The following MIPOL1 variants were observed in gnomAD, a reference collection of about 807,000 sequenced individuals.
MIPOL1 encodes the protein mirror-image polydactyly 1.
Under a neutral mutation model 60.9 loss-of-function variants are expected in MIPOL1, and 57 were observed. That is an observed-to-expected ratio of 0.94 (90% confidence interval 0.76 to 1.17). MIPOL1 has a LOEUF of 1.17. MIPOL1 is among the 50% of genes most tolerant of loss of function. The probability of loss-of-function intolerance (pLI) is 0.00; values close to 1 mark genes in which losing one functional copy is unlikely to be tolerated. For synonymous variants in MIPOL1, 179 were observed against 168.8 expected (o/e 1.06, Z -0.47); for missense variants, 551 against 511.6 (o/e 1.08, Z -0.74).
chr14:37,434,021 G>A (rs990645534), intron 11 of MIPOL1, among the ~76,000 whole-genome samples: 1 of 152,140 alleles, frequency 6.6e-6, no homozygotes, highest in African/African-American at 2.4e-5. Flanking sequence ...ATCATAAAAT[G>A]ATTTATAATC....
intron 9 of MIPOL1, among the ~76,000 whole-genome samples, chr14:37,346,048 G>A (rs2090922075): frequency 6.6e-6 from 1 of 152,132 alleles, no homozygotes. Context: ...ACCTGAATGT[G>A]GATGAGCACG....
intron 10 of MIPOL1, among the ~76,000 whole-genome samples, chr14:37,390,102 C>T (rs2093193891): frequency 6.6e-6 from 1 of 151,758 alleles, no homozygotes; most frequent in Non-Finnish European, 1.5e-5. Context: ...ACCTGTAATC[C>T]CAGCTACTCC....
At chr14:37,441,144 G>T (rs147316847) in intron 11 of MIPOL1, among the ~76,000 whole-genome samples, 9 of 152,010 alleles carry the variant, frequency 5.9e-5, no homozygotes, top group African/African-American at 1.4e-4. Flanking sequence ...TCTTGCCCTT[G>T]CCAGATGCAT....
At chr14:37,335,636 A>G (rs2090049718) in intron 9 of MIPOL1, among the ~76,000 whole-genome samples, 1 of 152,078 alleles carries the variant, frequency 6.6e-6, no homozygotes, top group African/African-American at 2.4e-5. Context: ...TGTATATACC[A>G]CATTTTGTTT....
intron 11 of MIPOL1, among the ~76,000 whole-genome samples, chr14:37,442,071 A>C (rs2103891): frequency 0.99 from 149,932 of 151,710 alleles, 74,108 homozygotes; most frequent in Middle Eastern, 1. Context: ...AAAAAGTTTC[A>C]TTCTCTTTCT....
chr14:37,304,267 T>C (rs192653312), intron 7 of MIPOL1, among the ~76,000 whole-genome samples: 3 of 151,918 alleles, frequency 2.0e-5, no homozygotes, highest in East Asian at 3.9e-4. Flanking sequence ...TCTGTTACAG[T>C]GTCTGCTTTG....
At chr14:37,546,855 A>G (rs1365700293) in intron 12 of MIPOL1, 50 bp from the exon 13 acceptor site, 1 of 1,447,864 alleles carries the variant, frequency 6.9e-7, no homozygotes, top group African/African-American at 1.4e-5. Context: ...ATTCTTAACA[A>G]TAATTGCCCT....
rs908283274 is a variant in MIPOL1, at chr14:37,445,834, G to A, written c.1031+22885G>A. Among the ~76,000 whole-genome samples, 533 of 151,994 alleles carry A rather than the reference G, an allele frequency of 3.5e-3. 2 individuals carry two copies. Among genetic ancestry groups the A allele is most frequent in the South Asian group, 0.011 (53 of 4,822 alleles). ...ACAAGCAATGGGGAAAGGATTCCCTGTTTAATAAATGGTGCTGGGAAAACT... is the reference window on the plus strand; with the variant it reads ...ACAAGCAATGGGGAAAGGATTCCCTATTTAATAAATGGTGCTGGGAAAACT... On this transcript the variant is annotated intron_variant, in intron 11 of 12. Transcript: ENST00000684589.
At chr14:37,388,212 A>G (rs1299492522) in intron 10 of MIPOL1, among the ~76,000 whole-genome samples, 1 of 151,892 alleles carries the variant, frequency 6.6e-6, no homozygotes, top group Non-Finnish European at 1.5e-5. Flanking sequence ...GGTTTTAACA[A>G]TTATTTGTTT....
intron 9 of MIPOL1, among the ~76,000 whole-genome samples, chr14:37,313,935 C>G (rs934034895): frequency 6.6e-6 from 1 of 152,140 alleles, no homozygotes; most frequent in African/African-American, 2.4e-5. Flanking sequence ...GGGTTTCCTT[C>G]TACTTTTCTG....
chr14:37,280,566 T>G (rs1306897485), intron 6 of MIPOL1, among the ~76,000 whole-genome samples: 1 of 152,220 alleles, frequency 6.6e-6, no homozygotes, highest in African/African-American at 2.4e-5. Context: ...CTTTGGTGAT[T>G]AGAGATGTTA....
At chr14:37,326,355 C>T (rs1206475749) in intron 9 of MIPOL1, among the ~76,000 whole-genome samples, 1 of 152,162 alleles carries the variant, frequency 6.6e-6, no homozygotes, top group African/African-American at 2.4e-5. Context: ...GAATCAGAAG[C>T]AATGCTCTGT....
chr14:37,297,501 G>C (rs939548136), intron 7 of MIPOL1, among the ~76,000 whole-genome samples: 9 of 152,080 alleles, frequency 5.9e-5, no homozygotes, highest in Non-Finnish European at 1.3e-4. Flanking sequence ...ATTAGGAAAA[G>C]AGGAAGTCAA....
chr14:37,310,320 T>C (rs1288956804), intron 9 of MIPOL1, among the ~76,000 whole-genome samples: 1 of 152,180 alleles, frequency 6.6e-6, no homozygotes, highest in East Asian at 1.9e-4. Context: ...TAGTGTTGCC[T>C]GGCAACTTCT....
At chr14:37,508,907 T>C (rs776275862) in intron 12 of MIPOL1, among the ~76,000 whole-genome samples, 8 of 152,156 alleles carry the variant, frequency 5.3e-5, no homozygotes, top group Non-Finnish European at 1.2e-4. Flanking sequence ...TGAACTCTCA[T>C]CATTTAGTAC....
chr14:37,318,816 T>C (rs61989586), intron 9 of MIPOL1, among the ~76,000 whole-genome samples: 1 of 147,194 alleles, frequency 6.8e-6, no homozygotes, highest in Non-Finnish European at 1.5e-5. Context: ...TATTTATTTA[T>C]TTATTTATTT....
chr14:37,343,959 T>C (rs953807971), intron 9 of MIPOL1, among the ~76,000 whole-genome samples: 8 of 152,262 alleles, frequency 5.3e-5, no homozygotes, highest in African/African-American at 1.9e-4. Context: ...CAATGTTCCA[T>C]CTTTTTAAAA....
At chr14:37,414,815 A>G (rs2093736426) in intron 10 of MIPOL1, among the ~76,000 whole-genome samples, 1 of 152,128 alleles carries the variant, frequency 6.6e-6, no homozygotes, top group Non-Finnish European at 1.5e-5. Context: ...GTACTAGGAA[A>G]CAAGCACAGG....
chr14:37,308,302 AAT>A lies in MIPOL1; in HGVS notation c.658-42_658-41del, dbSNP rs770896862. ...TTAATTAAAACCCTATATTAAATAA[AAT>A]ATATTAAAACTTCATGTCTGACTAA... is the stretch of plus-strand genomic sequence containing the variant. On this transcript the variant is annotated intron_variant, in intron 8 of 12. Coordinates refer to ENST00000684589, the MANE Select transcript of MIPOL1 (RefSeq NM_001388067.1). 4.9e-6 allele frequency: 7 copies of A among 1,417,070 alleles called. No homozygotes were observed. The South Asian group carries it at 9.6e-5, about 20-fold the overall frequency. The allele number at this position is 1,417,070 out of a possible 1,614,324, so 87.8% of individuals were successfully genotyped here. A position where few individuals can be genotyped will look rare whatever the true frequency, so the allele number is the denominator to read the frequency against.
Sources: allele counts gnomAD v4.1 joint callset (sites outside exome capture counted in the v4.1 genomes callset), GRCh38; gene constraint gnomAD v4.1.1; transcripts MANE v1.5; gene names NCBI Gene and HGNC (gene_info 2026-07-23, HGNC 2026-07-21).